AGAP1: variants seen among roughly 807,000 people sequenced by gnomAD.
The protein encoded by AGAP1 is ArfGAP with GTPase domain, ankyrin repeat and PH domain 1, also known as arf-GAP with GTPase, ANK repeat and PH domain-containing protein 1.
AGAP1 carries 29 observed loss-of-function variants against 105.3 expected under a neutral mutation model. The ratio of observed to expected loss-of-function variants is 0.28; its 90% CI spans 0.21 to 0.38. The LOEUF (loss-of-function observed/expected upper bound fraction) is 0.38. Among genes scored for constraint, AGAP1 ranks in the 10% least tolerant of loss-of-function variants. AGAP1 has a pLI of 1.00. For missense variants in AGAP1, 998 were observed against 1,165.1 expected (o/e 0.86, Z 2.09); for synonymous variants, 509 against 485.9 (o/e 1.05, Z -0.63).
In AGAP1 at chr2:236,056,126, A is replaced by G. The variant is rs1333657236; in HGVS notation, c.2114+6845A>G. Among the ~76,000 whole-genome samples the G allele has an allele frequency of 6.6e-6, 1 of 152,188 alleles. No homozygotes were observed. The highest frequency in any genetic ancestry group is 1.5e-5 in the Non-Finnish European group (1 of 68,032). On this transcript the variant is annotated intron_variant, in intron 16 of 17. Transcript: ENST00000304032. This position sits in a 1 kb window ranked among gnomAD's most constrained non-coding sequence, Gnocchi z 4.6. ...TAAAGACTGGCTCTAATTATAAGAA[A>G]GGTGATTCTAAGAAGATTCTCCATG... is the stretch of plus-strand genomic sequence containing the variant.
intron 1 of AGAP1, among the ~76,000 whole-genome samples, chr2:235,588,999 C>T (rs1366621685): frequency 3.9e-5 from 6 of 151,968 alleles, no homozygotes; most frequent in African/African-American, 1.2e-4. Context: ...GTTTTCCTAT[C>T]GAAATACAAC....
intron 16 of AGAP1, among the ~76,000 whole-genome samples, chr2:236,107,278 C>T (rs2059522166): frequency 6.6e-6 from 1 of 152,214 alleles, no homozygotes; most frequent in South Asian, 2.1e-4. Flanking sequence ...GTCCCTCCTC[C>T]TCTGTGCTGG....
chr2:235,743,727 A>C (rs1230992208), intron 4 of AGAP1, among the ~76,000 whole-genome samples: 4 of 152,240 alleles, frequency 2.6e-5, no homozygotes, highest in Non-Finnish European at 4.4e-5. Flanking sequence ...AACCTTGGCC[A>C]TAAAAACCTA....
chr2:235,656,940 A>G (rs956136861), intron 1 of AGAP1, among the ~76,000 whole-genome samples: 9 of 152,330 alleles, frequency 5.9e-5, no homozygotes, highest in Admixed American at 1.3e-4. Context: ...CCACAATCAC[A>G]TGGATTATGA....
At chr2:235,572,810 G>T (rs1238279376) in intron 1 of AGAP1, among the ~76,000 whole-genome samples, 1 of 152,192 alleles carries the variant, frequency 6.6e-6, no homozygotes, top group Non-Finnish European at 1.5e-5. Context: ...TGCTCAGCGT[G>T]TGCCCAGCTC....
rs1276661566 is a variant in AGAP1 at position 235,981,481 on chromosome 2, AT to A, written c.1645+12866del. 2.6e-5 allele frequency among the ~76,000 whole-genome samples: 4 copies of A among 151,618 alleles called. No homozygotes were observed. The highest frequency in any genetic ancestry group is 2.1e-4 in the South Asian group (1 of 4,764). On this transcript the variant is annotated intron_variant, in intron 13 of 17. Transcript: ENST00000304032. The surrounding 1 kb of genome is among the most constrained non-coding windows in gnomAD (Gnocchi z 5.5). ...CACACACACACACACACACGGTGTT[AT>A]TTTTTTTCTTTCTGAATTTCATGAA...
rs1389210684 is a variant in AGAP1, at chr2:235,566,203, T to C, written c.163+71354T>C. On this transcript the variant is annotated intron_variant, in intron 1 of 17. Transcript: ENST00000304032. The surrounding 1 kb of genome is among the most constrained non-coding windows in gnomAD (Gnocchi z 5.2). ...GCCTCCCGGATTCAAGTGATTCTGCTCCCTCAGCCTCCCAAGTAGCTGGGA... is the reference window on the plus strand; with the variant it reads ...GCCTCCCGGATTCAAGTGATTCTGCCCCCTCAGCCTCCCAAGTAGCTGGGA... Among the ~76,000 whole-genome samples the C allele has an allele frequency of 6.6e-6, 1 of 151,656 alleles. No individual in the cohort carries two copies. The highest frequency in any genetic ancestry group is 1.5e-5 in the Non-Finnish European group (1 of 67,924).
At position 235,724,907 on chromosome 2, in the gene AGAP1, CTGTT is replaced by C. The variant is rs1207534595; in HGVS notation, c.310+7266_310+7269del. Among the ~76,000 whole-genome samples the C allele has an allele frequency of 6.6e-6, 1 of 152,200 alleles. No homozygotes were observed. The highest frequency in any genetic ancestry group is 2.4e-5 in the African/African-American group (1 of 41,446). Reference sequence around the variant, plus strand: ...TCTCCAAGAGAAGCCTTTCGCTTGTCTGTTTGGTTTATTTGGTTCACATCAGAGT... The same window carrying C: ...TCTCCAAGAGAAGCCTTTCGCTTGTCTGGTTTATTTGGTTCACATCAGAGT... On this transcript the variant is annotated intron_variant, in intron 3 of 17. Coordinates refer to ENST00000304032, the MANE Select transcript of AGAP1 (RefSeq NM_001037131.3). The surrounding 1 kb of genome is among the most constrained non-coding windows in gnomAD (Gnocchi z 4.9).
intron 1 of AGAP1, among the ~76,000 whole-genome samples, chr2:235,571,713 A>G (rs972782779): frequency 3.3e-5 from 5 of 152,160 alleles, no homozygotes; most frequent in Admixed American, 1.3e-4. Context: ...GGGAAGAGGC[A>G]GACGCTGTAG....
intron 2 of AGAP1, among the ~76,000 whole-genome samples, chr2:235,713,751 C>A (rs1950961630): frequency 6.6e-6 from 1 of 152,208 alleles, no homozygotes; most frequent in African/African-American, 2.4e-5. Flanking sequence ...ATACACTGAG[C>A]AGCTGATAAA....
At chr2:235,907,367 A>G (rs1453357540) in intron 10 of AGAP1, among the ~76,000 whole-genome samples, 1 of 152,144 alleles carries the variant, frequency 6.6e-6, no homozygotes, top group East Asian at 1.9e-4. Flanking sequence ...GTGCTTTGGG[A>G]GGCTGAGGTG....
chr2:236,030,977 A>G (rs1462728124), intron 13 of AGAP1, among the ~76,000 whole-genome samples: 2 of 152,176 alleles, frequency 1.3e-5, no homozygotes, highest in Non-Finnish European at 1.5e-5. Flanking sequence ...AGATTTTATG[A>G]TTAGAATAGC....
At chr2:235,911,649 C>T (rs1440864500) in intron 11 of AGAP1, among the ~76,000 whole-genome samples, 1 of 152,198 alleles carries the variant, frequency 6.6e-6, no homozygotes, top group East Asian at 1.9e-4. Flanking sequence ...GTGGCATGGG[C>T]CTTTCTCTTT....
chr2:235,997,553 C>T (rs761894156), intron 13 of AGAP1, among the ~76,000 whole-genome samples: 5 of 151,860 alleles, frequency 3.3e-5, no homozygotes, highest in African/African-American at 7.3e-5. Flanking sequence ...GTGCCTTCCA[C>T]GCCCGCAGCA....
At chr2:235,715,280 T>G (rs1387350605) in intron 2 of AGAP1, among the ~76,000 whole-genome samples, 1 of 152,310 alleles carries the variant, frequency 6.6e-6, no homozygotes, top group South Asian at 2.1e-4. Flanking sequence ...CCAGGGACTA[T>G]GACAAGTGTA....
intron 11 of AGAP1, among the ~76,000 whole-genome samples, chr2:235,921,965 TTC>T (rs1469978927): frequency 6.6e-6 from 1 of 152,224 alleles, no homozygotes; most frequent in Non-Finnish European, 1.5e-5. Context: ...GTGTTGTGAA[TTC>T]TGTTCTTTTT....
At chr2:235,501,743 G>A (rs1941570875) in intron 1 of AGAP1, among the ~76,000 whole-genome samples, 1 of 152,018 alleles carries the variant, frequency 6.6e-6, no homozygotes. Flanking sequence ...TTCGTCTTAT[G>A]TTTCTCTACA....
At chr2:235,749,287 T>C (rs1953228973) in intron 5 of AGAP1, among the ~76,000 whole-genome samples, 1 of 151,342 alleles carries the variant, frequency 6.6e-6, no homozygotes, top group East Asian at 1.9e-4. Context: ...ACATTCCAGC[T>C]CCTCATTTCT....
chr2:235,843,513 AG>A lies in AGAP1; in HGVS notation c.1050+36183del, dbSNP rs1961106409. ...AAAAGCAGTCCAGCTCCTCCTGCAC[AG>A]CACTCTTTCTGCTGTGGGATGCCTC... On this transcript the variant is annotated intron_variant, in intron 9 of 17. Coordinates refer to ENST00000304032, the MANE Select transcript of AGAP1 (RefSeq NM_001037131.3). The surrounding 1 kb of genome is among the most constrained non-coding windows in gnomAD (Gnocchi z 5.9). 6.6e-6 allele frequency among the ~76,000 whole-genome samples: 1 copy of A among 152,114 alleles called. No homozygotes were observed. Among genetic ancestry groups the A allele is most frequent in the Admixed American group, 6.5e-5 (1 of 15,276 alleles).
Sources: gnomAD v4.1 joint callset for allele counts (sites outside exome capture counted in the v4.1 genomes callset) on GRCh38, gnomAD v4.1.1 for gene constraint, Gnocchi (gnomAD v3.1) non-coding constraint, MANE v1.5 for transcripts, NCBI Gene and HGNC (gene_info 2026-07-23, HGNC 2026-07-21) for gene names.